The following ANKS1B variants were observed in gnomAD, a reference collection of about 807,000 sequenced individuals.
ANKS1B encodes ankyrin repeat and sterile alpha motif domain-containing protein 1B.
Under a neutral mutation model 148.3 loss-of-function variants are expected in ANKS1B, and 36 were observed. That is an observed-to-expected ratio of 0.24 (90% CI 0.19 to 0.32). The LOEUF is 0.32. Ranked by LOEUF, ANKS1B falls within the 10% of genes least tolerant of loss-of-function variation. ANKS1B has a pLI of 1.00. For synonymous variants in ANKS1B, 542 were observed against 560.8 expected (o/e 0.97, Z 0.47); for missense variants, 1,157 against 1,542.6 (o/e 0.75, Z 4.19).
At chr12:98,775,298 A>G (rs75363015) in intron 24 of ANKS1B, among the ~76,000 whole-genome samples, 6,961 of 152,236 alleles carry the variant, frequency 0.046, 178 homozygotes, top group African/African-American at 0.062. Context: ...TTGCCAACTC[A>G]TGGGATGCCA....
Position 98,820,657 on chromosome 12 carries a change from T to C in ANKS1B, c.3066+8517A>G, listed in dbSNP as rs549075865. ...TTTAAAAATGAAATATAATGAAATA[T>C]TTTGAAATACACTAACTCATAAACA... is the stretch of plus-strand genomic sequence containing the variant. On this transcript the variant is annotated intron_variant, in intron 19 of 26. Coordinates refer to ENST00000683438, the MANE Select transcript of ANKS1B (RefSeq NM_001352186.2). 9.0e-4 allele frequency among the ~76,000 whole-genome samples: 137 copies of C among 152,336 alleles called. 2 individuals are homozygous for C. The highest frequency in any genetic ancestry group is 3.4e-3 in the Middle Eastern group (1 of 294).
chr12:99,639,575 C>T (rs2098280501), intron 9 of ANKS1B, among the ~76,000 whole-genome samples: 1 of 152,108 alleles, frequency 6.6e-6, no homozygotes, highest in South Asian at 2.1e-4. Flanking sequence ...GGGAGGGACC[C>T]AGTTGGAGGC....
intron 17 of ANKS1B, among the ~76,000 whole-genome samples, chr12:99,009,985 G>A (rs191352405): frequency 1.3e-5 from 2 of 152,330 alleles, no homozygotes; most frequent in South Asian, 2.1e-4. Flanking sequence ...TAAAGAAGAT[G>A]TTGGAGGTAA....
chr12:99,550,483 G>T (rs778300759), intron 9 of ANKS1B, among the ~76,000 whole-genome samples: 11 of 152,046 alleles, frequency 7.2e-5, no homozygotes, highest in Non-Finnish European at 1.3e-4. Flanking sequence ...AGTTAGCTGG[G>T]CATGGTGGCT....
At chr12:99,584,009 T>C (rs10860470) in intron 9 of ANKS1B, among the ~76,000 whole-genome samples, 7,778 of 152,304 alleles carry the variant, frequency 0.051, 390 homozygotes, top group East Asian at 0.26. Flanking sequence ...CATTCTGCTC[T>C]TAAACAGAGA....
intron 1 of ANKS1B, among the ~76,000 whole-genome samples, chr12:99,881,879 A>T (rs1565918858): frequency 6.6e-6 from 1 of 152,238 alleles, no homozygotes; most frequent in African/African-American, 2.4e-5. Context: ...ATGATATTCA[A>T]AATGTTCAGA....
intron 8 of ANKS1B, among the ~76,000 whole-genome samples, chr12:99,676,641 T>C (rs1010081233): frequency 4.6e-5 from 7 of 152,242 alleles, no homozygotes; most frequent in Non-Finnish European, 1.0e-4. Context: ...TGGTTTTCAA[T>C]TTGAAATATT....
chr12:99,737,131 T>C (rs6538928), intron 8 of ANKS1B, among the ~76,000 whole-genome samples: 151,417 of 152,282 alleles, frequency 0.99, 75,289 homozygotes, highest in East Asian at 1. Context: ...ATGGAGATTT[T>C]TCAAAAAACT....
intron 12 of ANKS1B, among the ~76,000 whole-genome samples, chr12:99,397,275 CT>C (rs1489588878): frequency 6.6e-6 from 1 of 152,092 alleles, no homozygotes; most frequent in East Asian, 1.9e-4. Context: ...GTAAGTTAAT[CT>C]AATTAATTCA....
intron 17 of ANKS1B, among the ~76,000 whole-genome samples, chr12:99,020,418 G>A (rs1397075987): frequency 6.6e-6 from 1 of 151,880 alleles, no homozygotes; most frequent in Non-Finnish European, 1.5e-5. Context: ...ATTTTATCTA[G>A]TCAGAAACTG....
intron 25 of ANKS1B, among the ~76,000 whole-genome samples, chr12:98,759,764 G>A (rs1302746839): frequency 6.6e-5 from 10 of 152,138 alleles, no homozygotes; most frequent in African/African-American, 2.2e-4. Flanking sequence ...TGGATTGCCT[G>A]AGCTCAGGAG....
At chr12:99,387,874 T>TTTTTTTTTTTTTTTTTTTTTTGAG (rs1310198385) in intron 12 of ANKS1B, among the ~76,000 whole-genome samples, 3 of 151,760 alleles carry the variant, frequency 2.0e-5, no homozygotes, top group Admixed American at 6.6e-5. Context: ...AATTGTAATT[T>TTTTTTTTTTTTTTTTTTTTTTGAG]ACCAAGTAGA....
At chr12:99,919,779 TA>T (rs61076587) in intron 1 of ANKS1B, among the ~76,000 whole-genome samples, 3,676 of 134,440 alleles carry the variant, frequency 0.027, 139 homozygotes, top group African/African-American at 0.077. Flanking sequence ...GCTGCAGAGT[TA>T]AAAAAAAAAA....
rs75183839 is a variant in ANKS1B at position 99,060,629 on chromosome 12, T to C, written c.2626-7320A>G. Among the ~76,000 whole-genome samples, 507 of 150,400 alleles carry C rather than the reference T, an allele frequency of 3.4e-3. 6 individuals are homozygous for C. The East Asian group carries it at 0.047, about 14-fold the overall frequency. ...ATATATATGTGGTTATATATATATA[T>C]ACACACATATACATATATACACATC... On this transcript the variant is annotated intron_variant, in intron 16 of 26. Transcript: ENST00000683438.
chr12:99,220,457 T>TC (rs2084929138), intron 14 of ANKS1B, among the ~76,000 whole-genome samples: 1 of 147,374 alleles, frequency 6.8e-6, no homozygotes, highest in Non-Finnish European at 1.5e-5. Context: ...TTCTTTTTTT[T>TC]TTTTTTTTTT....
chr12:99,629,861 G>T, intron 9 of ANKS1B, among the ~76,000 whole-genome samples: 1 of 151,996 alleles, frequency 6.6e-6, no homozygotes. Context: ...GTAGGTATAA[G>T]TTCCCTCTTT....
chr12:99,733,277 A>G (rs1452377374), intron 8 of ANKS1B, among the ~76,000 whole-genome samples: 1 of 152,206 alleles, frequency 6.6e-6, no homozygotes, highest in Non-Finnish European at 1.5e-5. Flanking sequence ...TACAATTACA[A>G]CATAGGCAAC....
At chr12:98,931,176 G>T (rs1047144533) in intron 17 of ANKS1B, among the ~76,000 whole-genome samples, 1 of 152,206 alleles carries the variant, frequency 6.6e-6, no homozygotes. Flanking sequence ...AGTTGTTGAC[G>T]AATGTTCTGT....
intron 2 of ANKS1B, among the ~76,000 whole-genome samples, chr12:99,820,516 A>G (rs1323383442): frequency 6.6e-6 from 1 of 151,960 alleles, no homozygotes; most frequent in Non-Finnish European, 1.5e-5. Context: ...GAGCAGATGG[A>G]TACAACAACA....
Sources: gnomAD v4.1 joint callset for allele counts (sites outside exome capture counted in the v4.1 genomes callset) on GRCh38, gnomAD v4.1.1 for gene constraint, MANE v1.5 for transcripts, NCBI Gene and HGNC (gene_info 2026-07-23, HGNC 2026-07-21) for gene names.